Variants in CACHD1 observed in about 807,000 individuals in gnomAD.
CACHD1 encodes VWFA and cache domain-containing protein 1.
In CACHD1, 71 loss-of-function variants were observed where a neutral mutation model predicts 138.7. The observed-to-expected ratio is 0.51, with a 90% CI of 0.42 to 0.62. The LOEUF (loss-of-function observed/expected upper bound fraction) is 0.62, where lower values mean the gene tolerates loss of function less well. Among genes scored for constraint, CACHD1 ranks in the 20% least tolerant of loss-of-function variants. The pLI, the probability that CACHD1 is intolerant of heterozygous loss-of-function variation, is 0.00. For synonymous variants in CACHD1, 578 were observed against 591.5 expected (o/e 0.98, Z 0.33); for missense variants, 1,389 against 1,625.3 (o/e 0.85, Z 2.50).
chr1:64,534,061 TGAGAC>T, intron 1 of CACHD1, among the ~76,000 whole-genome samples: 1 of 144,962 alleles, frequency 6.9e-6, no homozygotes, highest in Non-Finnish European at 1.5e-5. Context: ...TTTTTTTTTT[TGAGAC>T]AGAGTCTCAC....
chr1:64,663,592 A>T, intron 13 of CACHD1, 103 bp from the exon 14 acceptor site: 2 of 1,372,672 alleles, frequency 1.5e-6, no homozygotes, highest in Non-Finnish European at 2.0e-6. Context: ...AAAGACATTA[A>T]GCCACCATAG....
At chr1:64,600,875 A>G (rs1647205894) in intron 3 of CACHD1, among the ~76,000 whole-genome samples, 1 of 152,208 alleles carries the variant, frequency 6.6e-6, no homozygotes, top group Non-Finnish European at 1.5e-5. Context: ...CTAGCCTTCC[A>G]TTTCCAATAT....
chr1:64,543,866 C>CTTTTTTTTT (rs370129207), intron 1 of CACHD1, among the ~76,000 whole-genome samples: 2 of 77,510 alleles, frequency 2.6e-5, no homozygotes, highest in African/African-American at 4.8e-5. Flanking sequence ...CTTTTCAGTG[C>CTTTTTTTTT]TTTTTTTTTT....
intron 2 of CACHD1, among the ~76,000 whole-genome samples, chr1:64,574,556 C>T (rs577353525): frequency 3.3e-4 from 50 of 152,286 alleles, no homozygotes; most frequent in South Asian, 1.0e-3. Flanking sequence ...CCCTTCTCCA[C>T]GTACAGAGAA....
At chr1:64,562,939 G>T (rs1055051342) in intron 2 of CACHD1, among the ~76,000 whole-genome samples, 2 of 151,956 alleles carry the variant, frequency 1.3e-5, no homozygotes, top group Admixed American at 1.3e-4. Context: ...AAAAAGTTTT[G>T]GTTGTATCCT....
chr1:64,520,045 C>A lies in CACHD1; in HGVS notation c.199-30549C>A, dbSNP rs534880364. On this transcript the variant is annotated intron_variant, in intron 1 of 26. Transcript: ENST00000651257. Reference sequence around the variant, plus strand: ...TGCTTGATAAAGTCCCAGCTGTCTTCTTTTAGTTGTTCTGCTCACCACTTT... The same window carrying A: ...TGCTTGATAAAGTCCCAGCTGTCTTATTTTAGTTGTTCTGCTCACCACTTT... Among the ~76,000 whole-genome samples, 6 of 152,308 alleles carry A rather than the reference C, an allele frequency of 3.9e-5. No individual in the cohort carries two copies. In the Middle Eastern group the frequency reaches 0.014, roughly 345 times the overall value.
At chr1:64,643,357 A>G (rs562019088) in intron 8 of CACHD1, among the ~76,000 whole-genome samples, 1 of 152,304 alleles carries the variant, frequency 6.6e-6, no homozygotes, top group South Asian at 2.1e-4. Context: ...TCTGATGTCT[A>G]GTGGTCCTTA....
At chr1:64,531,100 T>C (rs1413125432) in intron 1 of CACHD1, among the ~76,000 whole-genome samples, 1 of 152,230 alleles carries the variant, frequency 6.6e-6, no homozygotes, top group African/African-American at 2.4e-5. Flanking sequence ...GTTCATTACA[T>C]GGAATGCTTC....
chr1:64,539,881 C>T (rs1646664044), intron 1 of CACHD1, among the ~76,000 whole-genome samples: 2 of 152,366 alleles, frequency 1.3e-5, no homozygotes, highest in Middle Eastern at 6.8e-3. Context: ...TGAACTCTGA[C>T]AGCACCTTGG....
At chr1:64,525,722 A>C (rs1168648450) in intron 1 of CACHD1, among the ~76,000 whole-genome samples, 1 of 152,178 alleles carries the variant, frequency 6.6e-6, no homozygotes, top group African/African-American at 2.4e-5. Flanking sequence ...TAGACACTTC[A>C]GGTAAGGGCA....
At chr1:64,567,039 A>AT (rs1250562950) in intron 2 of CACHD1, among the ~76,000 whole-genome samples, 1 of 152,144 alleles carries the variant, frequency 6.6e-6, no homozygotes, top group African/African-American at 2.4e-5. Flanking sequence ...ACCATGACAG[A>AT]ATAGTTCACA....
intron 1 of CACHD1, among the ~76,000 whole-genome samples, chr1:64,472,994 C>T (rs1013078251): frequency 6.6e-6 from 1 of 152,114 alleles, no homozygotes; most frequent in Non-Finnish European, 1.5e-5. Context: ...AGGTAGGGAT[C>T]CTAAGCAAAT....
intron 2 of CACHD1, among the ~76,000 whole-genome samples, chr1:64,576,063 G>A (rs921258496): frequency 2.0e-5 from 3 of 152,208 alleles, no homozygotes; most frequent in Non-Finnish European, 4.4e-5. Context: ...CATTTGACCC[G>A]TGGCTGGATG....
intron 1 of CACHD1, among the ~76,000 whole-genome samples, chr1:64,486,305 A>G (rs1646241505): frequency 6.6e-6 from 1 of 152,030 alleles, no homozygotes; most frequent in African/African-American, 2.4e-5. Flanking sequence ...CCATAACCAA[A>G]AAAGTTTTCA....
At chr1:64,660,680 A>C (rs1357231702) in intron 13 of CACHD1, among the ~76,000 whole-genome samples, 2 of 151,886 alleles carry the variant, frequency 1.3e-5, no homozygotes, top group Non-Finnish European at 2.9e-5. Context: ...ACAGTTGCGC[A>C]CCACCACGCC....
chr1:64,559,422 T>TA (rs1490757769), intron 2 of CACHD1, among the ~76,000 whole-genome samples: 6 of 152,166 alleles, frequency 3.9e-5, no homozygotes, highest in African/African-American at 1.4e-4. Flanking sequence ...TGTTCTCACT[T>TA]ATAAGTAAGT....
At chr1:64,504,474 CT>C (rs1646356823) in intron 1 of CACHD1, among the ~76,000 whole-genome samples, 1 of 152,150 alleles carries the variant, frequency 6.6e-6, no homozygotes, top group South Asian at 2.1e-4. Flanking sequence ...AAGTCTCAAC[CT>C]TTCTCTTTTG....
Position 64,691,397 on chromosome 1 carries a change from G to C in CACHD1, c.3661G>C (p.Asp1221His). 1 of 1,614,048 alleles carries C rather than the reference G, an allele frequency of 6.2e-7. No individual in the cohort carries two copies. Among genetic ancestry groups the C allele is most frequent in the Non-Finnish European group, 8.5e-7 (1 of 1,180,014 alleles). Residue 1221 changes from aspartate (D) to histidine (H), a missense_variant, in exon 27 of 27, where the codon GAT (aspartate) becomes CAT (histidine). Around this residue, in one of 5 missense-constraint regions of CACHD1, gnomAD observed 78 missense variants for 76.9 expected, o/e 1.01. Transcript: ENST00000651257. ...CNNDPLSAGVDVGNHDEDLDL... is the reference protein window; with the variant it reads ...CNNDPLSAGVHVGNHDEDLDL... The stretch of plus-strand genomic sequence containing the variant: ...CAATGACCCCTTGTCAGCCGGGGTC[G>C]ATGTGGGAAACCATGATGAGGACTT...
chr1:64,559,221 G>A (rs994340210), intron 2 of CACHD1, among the ~76,000 whole-genome samples: 2 of 152,134 alleles, frequency 1.3e-5, no homozygotes, highest in East Asian at 1.9e-4. Flanking sequence ...CACTGTTCAC[G>A]ATAGCAAAGA....
Sources: allele counts gnomAD v4.1 joint callset (sites outside exome capture counted in the v4.1 genomes callset), GRCh38; gene constraint gnomAD v4.1.1; regional missense constraint gnomAD v4.1.1; transcripts MANE v1.5; gene names NCBI Gene and HGNC (gene_info 2026-07-23, HGNC 2026-07-21).